CEP20: variants seen among roughly 807,000 people sequenced by gnomAD.
The protein encoded by CEP20 is FGFR1OP N-terminal like.
A neutral mutation model predicts 20.0 loss-of-function variants in CEP20; 18 were observed. The observed-to-expected ratio is 0.90, with a 90% CI of 0.62 to 1.34. CEP20 has a LOEUF of 1.34. Ranked by LOEUF, CEP20 falls within the 40% of genes most tolerant of loss-of-function variation. The pLI is 0.00. For missense variants in CEP20, 215 were observed against 201.6 expected (o/e 1.07, Z -0.40); for synonymous variants, 77 against 73.7 (o/e 1.04, Z -0.23).
Position 15,873,472 on chromosome 16 carries a change from A to G in CEP20, c.448+19T>C, listed in dbSNP as rs768375697. 64 of 1,597,242 alleles carry G rather than the reference A, an allele frequency of 4.0e-5. No individual in the cohort carries two copies. Among genetic ancestry groups the G allele is most frequent in the Admixed American group, 3.5e-4 (20 of 56,382 alleles). ...CATATTTGCTGACAGCTAAATGATGAATCTTGGAAAACTCATACCCATTGG... is the reference window on the plus strand; with the variant it reads ...CATATTTGCTGACAGCTAAATGATGGATCTTGGAAAACTCATACCCATTGG... On this transcript the variant is annotated intron_variant, in intron 4 of 4. Transcript: ENST00000255759.
rs1338074617 is a variant in CEP20, at chr16:15,873,299, C to T, written c.448+192G>A. Among the ~76,000 whole-genome samples the T allele has an allele frequency of 2.5e-4, 38 of 152,004 alleles. 1 individual carries two copies. The highest frequency in any genetic ancestry group is 2.9e-5 in the Non-Finnish European group (2 of 68,030). ...CATCTAAGAATTCTGCCCAGTTATG[C>T]CTCCCACCCTTCCCTGTCCAAGATT... On this transcript the variant is annotated intron_variant, in intron 4 of 4. Coordinates refer to ENST00000255759, the MANE Select transcript of CEP20 (RefSeq NM_144600.4).
chr16:15,884,391 T>C (rs1037358874), intron 1 of CEP20, among the ~76,000 whole-genome samples, 186 bp from the exon 2 acceptor site: 5 of 152,238 alleles, frequency 3.3e-5, no homozygotes, highest in African/African-American at 1.2e-4. Context: ...CTAAAACATA[T>C]AGTTCTCATG....
At chr16:15,886,012 C>T (rs1358199291) in intron 1 of CEP20, 1 of 152,154 alleles carries the variant, frequency 6.6e-6, no homozygotes, top group Admixed American at 6.5e-5. Flanking sequence ...AGAGAATGAA[C>T]ACATCTCATC....
chr16:15,871,302 A>G (rs2044812312), intron 4 of CEP20, among the ~76,000 whole-genome samples: 1 of 151,754 alleles, frequency 6.6e-6, no homozygotes, highest in Non-Finnish European at 1.5e-5. Context: ...ATAAAATAAA[A>G]TAGAAATGAG....
chr16:15,873,361 G>C, intron 4 of CEP20, 130 bp downstream of exon 4: 1 of 1,133,028 alleles, frequency 8.8e-7, no homozygotes, highest in Non-Finnish European at 1.2e-6. Flanking sequence ...GAGTAACATA[G>C]GCTAGACATA....
chr16:15,881,976 C>T (rs570116379), intron 2 of CEP20, among the ~76,000 whole-genome samples: 1 of 152,268 alleles, frequency 6.6e-6, no homozygotes, highest in East Asian at 1.9e-4. Context: ...TTGCAACGCA[C>T]TCCCCAGTGT....
chr16:15,870,099 T>C (rs1222073862), intron 4 of CEP20, among the ~76,000 whole-genome samples: 1 of 152,138 alleles, frequency 6.6e-6, no homozygotes, highest in Non-Finnish European at 1.5e-5. Context: ...CCTTTCTCTC[T>C]ATGGTGTATG....
Position 15,866,002 on chromosome 16 carries a change from T to G in CEP20, c.*1438A>C, listed in dbSNP as rs1444275506. On this transcript the variant is annotated 3_prime_UTR_variant, in exon 5 of 5. Transcript: ENST00000255759. ...CCCCGGGAGAATTCAGATATTTATA[T>G]TCACACATACAATACAACGGAATTC... The G allele has an allele frequency of 6.6e-6, 1 of 152,200 alleles. No individual in the cohort carries two copies. The allele number at this position is 152,200 out of a possible 1,614,324, so 9.4% of individuals were successfully genotyped here. A position where few individuals can be genotyped will look rare whatever the true frequency, so the allele number is the denominator to read the frequency against.
At position 15,888,572 on chromosome 16, in the gene CEP20, G is replaced by A. The variant is rs1017465300; in HGVS notation, c.14C>T (p.Ala5Val). Residue 5 changes from alanine to valine, a missense_variant, in exon 1 of 5, where the codon GCA becomes GTA. Coordinates refer to ENST00000255759, the MANE Select transcript of CEP20 (RefSeq NM_144600.4). ...CTCGCACTCACCAGCCTTCAACTCT[G>A]CCACAGTCGCCATTTTTCAACGGCC... MATV[A>V]ELKAVLKDTL... 2 of 1,614,138 alleles carry A rather than the reference G, an allele frequency of 1.2e-6. No homozygotes were observed. Among genetic ancestry groups the A allele is most frequent in the Non-Finnish European group, 1.7e-6 (2 of 1,180,024 alleles).
At chr16:15,879,998 T>C in intron 2 of CEP20, 110 bp from the exon 3 acceptor site, 1 of 716,732 alleles carries the variant, frequency 1.4e-6, no homozygotes, top group Non-Finnish European at 2.3e-6. Context: ...TTTGGAAGAA[T>C]GATGACAACA....
chr16:15,875,369 A>C (rs936970323), intron 3 of CEP20, among the ~76,000 whole-genome samples: 8 of 152,184 alleles, frequency 5.3e-5, no homozygotes, highest in Middle Eastern at 3.2e-3. Flanking sequence ...TGTGATTAAA[A>C]TTTTGGGTTG....
At chr16:15,881,321 C>G (rs59749968) in intron 2 of CEP20, among the ~76,000 whole-genome samples, 10,501 of 152,124 alleles carry the variant, frequency 0.069, 473 homozygotes, top group East Asian at 0.22. Flanking sequence ...AATCCCAAGT[C>G]CCCACTATTT....
intron 1 of CEP20, chr16:15,885,775 C>T (rs77223245): frequency 3.3e-5 from 5 of 152,188 alleles, no homozygotes; most frequent in Admixed American, 1.3e-4. Flanking sequence ...AAATCTACCA[C>T]GTGACTGTAT....
chr16:15,876,467 T>A (rs900849393), intron 3 of CEP20, among the ~76,000 whole-genome samples: 1 of 149,838 alleles, frequency 6.7e-6, no homozygotes, highest in Non-Finnish European at 1.5e-5. Flanking sequence ...AGAGTGAGAC[T>A]CTGTCTCGAA....
intron 4 of CEP20, among the ~76,000 whole-genome samples, chr16:15,872,784 A>G (rs72773964): frequency 6.1e-4 from 81 of 132,342 alleles, no homozygotes; most frequent in East Asian, 2.5e-3. Flanking sequence ...AAAAAAATAC[A>G]TAAAAATTTA....
intron 4 of CEP20, among the ~76,000 whole-genome samples, chr16:15,871,537 C>T (rs58389834): frequency 0.067 from 10,132 of 152,086 alleles, 459 homozygotes; most frequent in East Asian, 0.22. Flanking sequence ...CTTACCAATC[C>T]CTAAAAAGAG....
chr16:15,870,357 T>G (rs559138877), intron 4 of CEP20, among the ~76,000 whole-genome samples: 1 of 152,216 alleles, frequency 6.6e-6, no homozygotes, highest in African/African-American at 2.4e-5. Context: ...CAGAAACTCA[T>G]ATTGTCATAT....
At chr16:15,867,949 G>A (rs1234622351) in intron 4 of CEP20, among the ~76,000 whole-genome samples, 2 of 148,208 alleles carry the variant, frequency 1.3e-5, no homozygotes, top group Non-Finnish European at 3.0e-5. Context: ...CTCCAGCCTG[G>A]GCAACAAGAG....
At chr16:15,886,824 C>T (rs1259134997) in intron 1 of CEP20, among the ~76,000 whole-genome samples, 1 of 152,186 alleles carries the variant, frequency 6.6e-6, no homozygotes, top group Non-Finnish European at 1.5e-5. Context: ...GCTTAGAACA[C>T]TGCGCCATCA....
Sources: gnomAD v4.1 joint callset for allele counts (sites outside exome capture counted in the v4.1 genomes callset) on GRCh38, gnomAD v4.1.1 for gene constraint, MANE v1.5 for transcripts, NCBI Gene and HGNC (gene_info 2026-07-23, HGNC 2026-07-21) for gene names.